KMT2D: variants seen among roughly 807,000 people sequenced by gnomAD.
KMT2D encodes the protein histone-lysine N-methyltransferase 2D.
KMT2D carries 55 observed loss-of-function variants against 512.7 expected under a neutral mutation model. That is an observed-to-expected ratio of 0.11 (90% CI 0.09 to 0.13). The LOEUF (loss-of-function observed/expected upper bound fraction) is 0.13, where lower values mean the gene tolerates loss of function less well. Ranked by LOEUF, KMT2D falls within the 10% of genes least tolerant of loss-of-function variation. KMT2D has a pLI of 1.00. For synonymous variants in KMT2D, 2,995 were observed against 2,904.0 expected (o/e 1.03, Z -1.01); for missense variants, 6,061 against 7,127.9 (o/e 0.85, Z 5.39).
chr12:49,032,886 AGCT>A lies in KMT2D; in HGVS notation c.11816_11818del (p.Gln3939del), dbSNP rs1399512864. On this transcript the variant is annotated inframe_deletion, in exon 40 of 55. Transcript: ENST00000301067. ...AAGCTGTTGCTGCTGCTGTTGTTGA[AGCT>A]GCTGCTGCTGTTGCTGCTGTTGAAG... The A allele has an allele frequency of 3.2e-6, 5 of 1,548,262 alleles. No individual in the cohort carries two copies. Among genetic ancestry groups the A allele is most frequent in the East Asian group, 4.9e-5 (2 of 40,870 alleles).
intron 35 of KMT2D, 132 bp downstream of exon 35, chr12:49,036,993 G>C: frequency 8.6e-7 from 1 of 1,168,322 alleles, no homozygotes; most frequent in East Asian, 2.6e-5. Context: ...TCTACCACTA[G>C]TATGATATTT....
intron 19 of KMT2D, 59 bp from the exon 20 acceptor site, chr12:49,045,024 G>GC: frequency 6.6e-7 from 1 of 1,504,578 alleles, no homozygotes; most frequent in Non-Finnish European, 9.2e-7. Flanking sequence ...AACCAGAACT[G>GC]CAAGTTTCAA....
In KMT2D at chr12:49,041,353, C is replaced by T. The variant is rs1470022156; in HGVS notation, c.6417G>A (p.Ala2139=). ...PTTPAGLSTS[A]DGFLKPPAGS... ...CCGCCGGCGGCTTCAGGAACCCGTC[C>T]GCAGAGGTAGACAAGCCGGCGGGGG... is the stretch of plus-strand genomic sequence containing the variant. Residue 2139 remains alanine, a synonymous_variant, in exon 32 of 55, where the codon GCG becomes GCA. Coordinates refer to ENST00000301067, the MANE Select transcript of KMT2D (RefSeq NM_003482.4). The surrounding 1 kb of genome is among the most constrained non-coding windows in gnomAD (Gnocchi z 5.4). The T allele has an allele frequency of 2.5e-6, 4 of 1,572,082 alleles. No individual in the cohort carries two copies. The highest frequency in any genetic ancestry group is 2.4e-5 in the South Asian group (2 of 84,320).
chr12:49,025,486 A>G lies in KMT2D; in HGVS notation c.15785-540T>C, dbSNP rs1312386168. 2.6e-5 allele frequency among the ~76,000 whole-genome samples: 4 copies of G among 152,202 alleles called. No homozygotes were observed. In the East Asian group the frequency reaches 7.7e-4, roughly 29 times the overall value. ...CTGTACAGATTTGTAGCCTAGGAGC[A>G]ATGGGGTATACCGCAGAGCCTAGGT... is the stretch of plus-strand genomic sequence containing the variant. On this transcript the variant is annotated intron_variant, in intron 49 of 54. Coordinates refer to ENST00000301067, the MANE Select transcript of KMT2D (RefSeq NM_003482.4).
At chr12:49,030,155 G>A (rs1942824251) in intron 43 of KMT2D, 125 bp downstream of exon 43, 2 of 752,898 alleles carry the variant, frequency 2.7e-6, no homozygotes, top group Non-Finnish European at 2.1e-6. Context: ...CCTACCTCAG[G>A]TGCCCTGTTA....
In KMT2D at chr12:49,032,938, G is replaced by A; in HGVS notation, c.11767C>T (p.Gln3923Ter). The change falls in exon 40 of 55, where the codon CAA becomes TAA. Residue 3923 changes from glutamine to a stop codon, truncating the protein, a stop_gained. Coordinates refer to ENST00000301067, the MANE Select transcript of KMT2D (RefSeq NM_003482.4). LOFTEE classifies it high-confidence loss of function. ...QQQQQQQLQQ[Q>*]QQLQQQQLQQ... ...AGCTGTTGCTGCTGAAGTTGCTGTTGCTGTTGTAGCTGCTGCTGCTGCTGC... is the reference window on the plus strand; with the variant it reads ...AGCTGTTGCTGCTGAAGTTGCTGTTACTGTTGTAGCTGCTGCTGCTGCTGC... 6.4e-7 allele frequency: 1 copy of A among 1,550,594 alleles called. No individual in the cohort carries two copies. The highest frequency in any genetic ancestry group is 8.7e-7 in the Non-Finnish European group (1 of 1,146,888).
rs1223098887 is a variant in KMT2D, at chr12:49,033,638, A to G, written c.11067T>C (p.Ala3689=). The change falls in exon 40 of 55, where the codon GCT becomes GCC. Residue 3689 remains alanine (A), a synonymous_variant. Transcript: ENST00000301067. ...CCCCTGAAGGGCCAGCCAGGGATCC[A>G]GCCCCACCAGAATGTTGCTGTTGCT... ...QQQQQQHSGG[A]GSLAGPSGGF... is the part of the protein sequence containing the mutation. The G allele has an allele frequency of 1.2e-6, 2 of 1,613,732 alleles. No homozygotes were observed. The highest frequency in any genetic ancestry group is 3.3e-5 in the Admixed American group (2 of 60,022).
At position 49,059,986 on chromosome 12, in the gene KMT2D, T is replaced by C. The variant is rs1426011345; in HGVS notation, c.-411A>G. ...AGCGCCCCGGCCGCCCGCGCCGGGC[T>C]CGGGCGGAACGTCGAGGCTCTCCAG... On this transcript the variant is annotated 5_prime_UTR_variant, in exon 1 of 55. Transcript: ENST00000301067. Among the ~76,000 whole-genome samples, 1 of 150,968 alleles carries C rather than the reference T, an allele frequency of 6.6e-6. No homozygotes were observed. Among genetic ancestry groups the C allele is most frequent in the African/African-American group, 2.4e-5 (1 of 41,046 alleles).
In KMT2D at chr12:49,018,997, T is replaced by C. The variant is rs2137696830; in HGVS notation, c.*2783A>G. On this transcript the variant is annotated 3_prime_UTR_variant, in exon 55 of 55. Coordinates refer to ENST00000301067, the MANE Select transcript of KMT2D (RefSeq NM_003482.4). ...CGCTTGTATTTAAAATGTTCTTTTTTTATTTGTCGTTTAAAAACAAACTTG... is the reference window on the plus strand; with the variant it reads ...CGCTTGTATTTAAAATGTTCTTTTTCTATTTGTCGTTTAAAAACAAACTTG... 7.1e-7 allele frequency: 1 copy of C among 1,401,788 alleles called. No homozygotes were observed. The highest frequency in any genetic ancestry group is 9.2e-7 in the Non-Finnish European group (1 of 1,082,048). 86.8% of individuals were successfully genotyped at this position (1,401,788 alleles called of 1,614,324 possible).
chr12:49,036,953 T>C (rs929297735), intron 35 of KMT2D, among the ~76,000 whole-genome samples, 172 bp downstream of exon 35: 3 of 152,250 alleles, frequency 2.0e-5, no homozygotes, highest in Non-Finnish European at 4.4e-5. Context: ...AACTGTTCTC[T>C]CTCTTCTTAA....
At position 49,026,907 on chromosome 12, in the gene KMT2D, A is replaced by G. The variant is rs1846117684; in HGVS notation, c.15059T>C (p.Leu5020Ser). The change falls in exon 49 of 55, where the codon TTG becomes TCG. Residue 5020 changes from leucine to serine, a missense_variant. Around this residue, in one of 16 missense-constraint regions of KMT2D, gnomAD observed 1,600 missense variants for 1,754.9 expected, o/e 0.91. Transcript: ENST00000301067. This position sits in a 1 kb window ranked among gnomAD's most constrained non-coding sequence, Gnocchi z 9.6. Reference protein sequence around the residue: ...AEFMEQLGTALRPDKVPRDMR... With the variant: ...AEFMEQLGTASRPDKVPRDMR... Reference sequence around the variant, plus strand: ...GTCTCGCGGTACCTTGTCAGGTCGCAAGGCTGTGCCAAGCTGCTCCATAAA... The same window carrying G: ...GTCTCGCGGTACCTTGTCAGGTCGCGAGGCTGTGCCAAGCTGCTCCATAAA... The G allele has an allele frequency of 1.2e-6, 2 of 1,614,026 alleles. No individual in the cohort carries two copies. The highest frequency in any genetic ancestry group is 1.7e-6 in the Non-Finnish European group (2 of 1,179,904).
At position 49,043,716 on chromosome 12, in the gene KMT2D, G is replaced by A. The variant is rs186948725; in HGVS notation, c.5386C>T (p.Arg1796Trp). 91 of 1,613,928 alleles carry A rather than the reference G, an allele frequency of 5.6e-5. No homozygotes were observed. The highest frequency in any genetic ancestry group is 1.6e-4 in the Middle Eastern group (1 of 6,062). Residue 1796 changes from arginine to tryptophan, a missense_variant, in exon 24 of 55, where the codon CGG (arginine) becomes TGG (tryptophan). Physicochemically the swap from Arg to Trp is moderately radical, Grantham distance 101. Coordinates refer to ENST00000301067, the MANE Select transcript of KMT2D (RefSeq NM_003482.4). ...RKALFAVGVGRPSFGLGTPKA... is the reference protein window; with the variant it reads ...RKALFAVGVGWPSFGLGTPKA... ...GGGGTCCCTAGTCCAAAGCTTGGCCGGCCCACCCCAACTGCAAAAAGGGCC... is the reference window on the plus strand; with the variant it reads ...GGGGTCCCTAGTCCAAAGCTTGGCCAGCCCACCCCAACTGCAAAAAGGGCC...
chr12:49,044,619 G>C lies in KMT2D; in HGVS notation c.4964-97C>G. The C allele has an allele frequency of 6.4e-7, 1 of 1,563,592 alleles. No homozygotes were observed. Among genetic ancestry groups the C allele is most frequent in the South Asian group, 1.2e-5 (1 of 84,876 alleles). On this transcript the variant is annotated intron_variant, in intron 20 of 54. Coordinates refer to ENST00000301067, the MANE Select transcript of KMT2D (RefSeq NM_003482.4). This position sits in a 1 kb window ranked among gnomAD's most constrained non-coding sequence, Gnocchi z 6.4. ...TGAGAGAGCTGAATACCTTGCCTCA[G>C]AGCCACTTAGACGAGACAGCAGTGC... is the stretch of plus-strand genomic sequence containing the variant.
In KMT2D at chr12:49,041,349, C is replaced by T. The variant is rs373429610; in HGVS notation, c.6421G>A (p.Gly2141Arg). The change falls in exon 32 of 55, where the codon GGG (glycine) becomes AGG (arginine). Residue 2141 changes from glycine (G) to arginine (R), a missense_variant. Gly to Arg is a moderately radical substitution (Grantham distance 125). Around this residue, in one of 16 missense-constraint regions of KMT2D, gnomAD observed 710 missense variants for 647.3 expected, o/e 1.10. Transcript: ENST00000301067. The surrounding 1 kb of genome is among the most constrained non-coding windows in gnomAD (Gnocchi z 5.4). ...TPAGLSTSAD[G>R]FLKPPAGSVP... Reference sequence around the variant, plus strand: ...GAGCCCGCCGGCGGCTTCAGGAACCCGTCCGCAGAGGTAGACAAGCCGGCG... The same window carrying T: ...GAGCCCGCCGGCGGCTTCAGGAACCTGTCCGCAGAGGTAGACAAGCCGGCG... 20 of 1,566,788 alleles carry T rather than the reference C, an allele frequency of 1.3e-5. No homozygotes were observed. The highest frequency in any genetic ancestry group is 1.6e-5 in the Non-Finnish European group (18 of 1,156,854).
chr12:49,043,046 T>C (rs777187405), intron 26 of KMT2D, 30 bp downstream of exon 26: 11 of 1,593,526 alleles, frequency 6.9e-6, no homozygotes, highest in Non-Finnish European at 9.5e-6. Context: ...AAAACCCTTA[T>C]ACACAAAGAG....
rs141549086 is a variant in KMT2D at position 49,033,374 on chromosome 12, C to T, written c.11331G>A (p.Met3777Ile). Residue 3777 changes from methionine (M) to isoleucine (I), a missense_variant, in exon 40 of 55, where the codon ATG becomes ATA. By Grantham distance (10) the Met-to-Ile change is conservative. Around this residue, in one of 16 missense-constraint regions of KMT2D, gnomAD observed 1,600 missense variants for 1,754.9 expected, o/e 0.91. Coordinates refer to ENST00000301067, the MANE Select transcript of KMT2D (RefSeq NM_003482.4). ...GGAGGCCTTGGTGGCTGCTGGGAGG[C>T]ATAAGGCCCTGGGGCTTGGGACCCA... is the stretch of plus-strand genomic sequence containing the variant. ...QALGPKPQGL[M>I]PPSSHQGLLV... is the part of the protein sequence containing the mutation. The T allele has an allele frequency of 6.3e-6, 10 of 1,579,608 alleles. No individual in the cohort carries two copies. In the East Asian group the frequency reaches 2.3e-4, roughly 37 times the overall value.
Position 49,030,425 on chromosome 12 carries a change from GT to G in KMT2D, c.13853del (p.Asn4618ThrfsTer22). 1 of 1,188,308 alleles carries G rather than the reference GT, an allele frequency of 8.4e-7. No homozygotes were observed. Among genetic ancestry groups the G allele is most frequent in the Non-Finnish European group, 1.1e-6 (1 of 898,318 alleles). 73.6% of individuals were successfully genotyped at this position (1,188,308 alleles called of 1,614,324 possible). A position where few individuals can be genotyped will look rare whatever the true frequency, so the allele number is the denominator to read the frequency against. ...SQLLTKNNLSNPPTPPSSLPP... is the reference protein window; with the variant it reads ...SQLLTKNNLSXPPTPPSSLPP... ...GCAGCGACGAGGGTGGTGTCGGCGGGTTACTCAGGTTATTCTGAGGGGTGGG... is the reference window on the plus strand; with the variant it reads ...GCAGCGACGAGGGTGGTGTCGGCGGGTACTCAGGTTATTCTGAGGGGTGGG... On this transcript the variant is annotated frameshift_variant, in exon 43 of 55. Transcript: ENST00000301067. LOFTEE classifies it high-confidence loss of function.
Position 49,037,559 on chromosome 12 carries a change from AGCT to A in KMT2D, c.9794_9796del (p.Gln3265del), listed in dbSNP as rs776713219. 7 of 1,554,056 alleles carry A rather than the reference AGCT, an allele frequency of 4.5e-6. No homozygotes were observed. Among genetic ancestry groups the A allele is most frequent in the Non-Finnish European group, 5.2e-6 (6 of 1,148,464 alleles). ...CTGGGCAGGCTGCAACTGTGCTGAA[AGCT>A]GCTGCTTCTTCTGCAGCTCCTTCTT... On this transcript the variant is annotated inframe_deletion, in exon 35 of 55. Coordinates refer to ENST00000301067, the MANE Select transcript of KMT2D (RefSeq NM_003482.4).
chr12:49,034,908 A>G lies in KMT2D; in HGVS notation c.10259T>C (p.Ile3420Thr), dbSNP rs1555189538. Residue 3420 changes from isoleucine (I) to threonine (T), a missense_variant, in exon 36 of 55, where the codon ATC becomes ACC. Physicochemically the swap from Ile to Thr is moderately conservative, Grantham distance 89. Around this residue, in one of 16 missense-constraint regions of KMT2D, gnomAD observed 533 missense variants for 539.6 expected, o/e 0.99. Transcript: ENST00000301067. Reference protein sequence around the residue: ...TDLDKFAAEDIIDPIAKAKMV... With the variant: ...TDLDKFAAEDTIDPIAKAKMV... ...CTTGGCCTTTGCAATGGGATCAATGATATCTTCTGCAGCAAATTTGTCCAG... is the reference window on the plus strand; with the variant it reads ...CTTGGCCTTTGCAATGGGATCAATGGTATCTTCTGCAGCAAATTTGTCCAG... 4 of 1,614,002 alleles carry G rather than the reference A, an allele frequency of 2.5e-6. No individual in the cohort carries two copies. The highest frequency in any genetic ancestry group is 3.4e-6 in the Non-Finnish European group (4 of 1,179,896).
Sources: gnomAD v4.1 joint callset for allele counts (sites outside exome capture counted in the v4.1 genomes callset) on GRCh38, gnomAD v4.1.1 for gene constraint, gnomAD v4.1.1 regional missense constraint, Gnocchi (gnomAD v3.1) non-coding constraint, MANE v1.5 for transcripts, NCBI Gene and HGNC (gene_info 2026-07-23, HGNC 2026-07-21) for gene names.